MOS: variants seen among roughly 807,000 people sequenced by gnomAD.
MOS encodes the protein proto-oncogene serine/threonine-protein kinase mos.
For synonymous variants in MOS, 190 were observed against 205.2 expected (o/e 0.93, Z 0.63); for missense variants, 419 against 459.6 (o/e 0.91, Z 0.81).
In MOS at chr8:56,112,964, GAGGTGAGATCCACCAAA is replaced by G; in HGVS notation, c.1002_1018del (p.Leu335PhefsTer4). On this transcript the variant is annotated frameshift_variant, in exon 1 of 1. Coordinates refer to ENST00000311923, the MANE Select transcript of MOS (RefSeq NM_005372.1). LOFTEE classifies it low-confidence loss of function (END_TRUNC). ...CAGTCAGCCGAGTTCAGCTTTCAAA[GAGGTGAGATCCACCAAA>G]AGCAGCCGCGCGCTCGGCCTCTGCG... 1 of 1,549,570 alleles carries G rather than the reference GAGGTGAGATCCACCAAA, an allele frequency of 6.5e-7. No homozygotes were observed. Among genetic ancestry groups the G allele is most frequent in the South Asian group, 1.2e-5 (1 of 81,556 alleles).
chr8:56,113,480 C>A lies in MOS; in HGVS notation c.503G>T (p.Arg168Leu), dbSNP rs763458012. 4.3e-6 allele frequency: 7 copies of A among 1,613,890 alleles called. No homozygotes were observed. In the South Asian group the frequency reaches 5.5e-5, roughly 13 times the overall value. ...PEGDAGEPHC[R>L]TGGQLSLGKC... ...TCCCAAACTTAACTGTCCTCCAGTG[C>A]GGCAGTGAGGCTCCCCTGCGTCCCC... is the stretch of plus-strand genomic sequence containing the variant. Residue 168 changes from arginine (R) to leucine (L), a missense_variant, in exon 1 of 1, where the codon CGC becomes CTC. Coordinates refer to ENST00000311923, the MANE Select transcript of MOS (RefSeq NM_005372.1). This position sits in a 1 kb window ranked among gnomAD's most constrained non-coding sequence, Gnocchi z 5.7.
chr8:56,113,528 T>G lies in MOS; in HGVS notation c.455A>C (p.Tyr152Ser). Residue 152 changes from tyrosine (Y) to serine (S), a missense_variant, in exon 1 of 1, where the codon TAT (tyrosine) becomes TCT (serine). Physicochemically the swap from Tyr to Ser is moderately radical, Grantham distance 144. Transcript: ENST00000311923. The surrounding 1 kb of genome is among the most constrained non-coding windows in gnomAD (Gnocchi z 5.7). The part of the protein sequence containing the change: ...GGNVTLHQVI[Y>S]GAAGHPEGDA... ...CCCCTCAGGGTGGCCGGCGGCGCCA[T>G]AGATGACTTGGTGTAAAGTGACGTT... 6.2e-7 allele frequency: 1 copy of G among 1,613,908 alleles called. No homozygotes were observed. Among genetic ancestry groups the G allele is most frequent in the Non-Finnish European group, 8.5e-7 (1 of 1,179,978 alleles).
At position 56,113,895 on chromosome 8, in the gene MOS, G is replaced by T; in HGVS notation, c.88C>A (p.Leu30Ile). ...GCCCCCAGAAGCAGCTTCGCAGGTA[G>T]CTCTGAGGGACTGCTGCAGGGCCGC... ...DARPCSSPSE[L>I]PAKLLLGATL... is the part of the protein sequence containing the mutation. The change falls in exon 1 of 1, where the codon CTA becomes ATA. Residue 30 changes from leucine (L) to isoleucine (I), a missense_variant. Physicochemically the swap from Leu to Ile is conservative, Grantham distance 5 (BLOSUM62 2). Transcript: ENST00000311923. The surrounding 1 kb of genome is among the most constrained non-coding windows in gnomAD (Gnocchi z 5.7). 6.3e-7 allele frequency: 1 copy of T among 1,592,822 alleles called. No homozygotes were observed. Among genetic ancestry groups the T allele is most frequent in the South Asian group, 1.1e-5 (1 of 88,118 alleles).
Position 56,113,586 on chromosome 8 carries a change from T to C in MOS, c.397A>G (p.Ser133Gly). 1 of 1,613,476 alleles carries C rather than the reference T, an allele frequency of 6.2e-7. No homozygotes were observed. The highest frequency in any genetic ancestry group is 8.5e-7 in the Non-Finnish European group (1 of 1,179,850). Residue 133 changes from serine (S) to glycine (G), a missense_variant, in exon 1 of 1, where the codon AGC becomes GGC. Physicochemically the swap from Ser to Gly is moderately conservative, Grantham distance 56. Coordinates refer to ENST00000311923, the MANE Select transcript of MOS (RefSeq NM_005372.1). This position sits in a 1 kb window ranked among gnomAD's most constrained non-coding sequence, Gnocchi z 5.7. ...ASTRTPAGSN[S>G]LGTIIMEFGG... ...AACTCCATGATGATGGTCCCTAGGC[T>C]ATTGGACCCTGCGGGCGTGCGCGTG...
chr8:56,113,885 T>C lies in MOS; in HGVS notation c.98A>G (p.Lys33Arg), dbSNP rs1409265884. Residue 33 changes from lysine (K) to arginine (R), a missense_variant, in exon 1 of 1, where the codon AAG (lysine) becomes AGG (arginine). Physicochemically the swap from Lys to Arg is conservative, Grantham distance 26. Transcript: ENST00000311923. The surrounding 1 kb of genome is among the most constrained non-coding windows in gnomAD (Gnocchi z 5.7). ...AGGAAGAGTGGCCCCCAGAAGCAGC[T>C]TCGCAGGTAGCTCTGAGGGACTGCT... ...PCSSPSELPA[K>R]LLLGATLPRA... is the part of the protein sequence containing the mutation. 1 of 1,598,420 alleles carries C rather than the reference T, an allele frequency of 6.3e-7. No homozygotes were observed. The highest frequency in any genetic ancestry group is 8.5e-7 in the Non-Finnish European group (1 of 1,176,462).
chr8:56,113,523 C>T lies in MOS; in HGVS notation c.460G>A (p.Ala154Thr). Residue 154 changes from alanine (A) to threonine (T), a missense_variant, in exon 1 of 1, where the codon GCC becomes ACC. Physicochemically the swap from Ala to Thr is moderately conservative, Grantham distance 58 (BLOSUM62 0). Coordinates refer to ENST00000311923, the MANE Select transcript of MOS (RefSeq NM_005372.1). The surrounding 1 kb of genome is among the most constrained non-coding windows in gnomAD (Gnocchi z 5.7). ...NVTLHQVIYGAAGHPEGDAGE... is the reference protein window; with the variant it reads ...NVTLHQVIYGTAGHPEGDAGE... ...GCGTCCCCCTCAGGGTGGCCGGCGG[C>T]GCCATAGATGACTTGGTGTAAAGTG... The T allele has an allele frequency of 1.2e-6, 2 of 1,614,000 alleles. No individual in the cohort carries two copies. The highest frequency in any genetic ancestry group is 1.7e-6 in the Non-Finnish European group (2 of 1,180,010).
In MOS at chr8:56,113,350, C is replaced by T. The variant is rs763875775; in HGVS notation, c.633G>A (p.Glu211=). 1 of 1,614,118 alleles carries T rather than the reference C, an allele frequency of 6.2e-7. No individual in the cohort carries two copies. Among genetic ancestry groups the T allele is most frequent in the East Asian group, 2.2e-5 (1 of 44,880 alleles). The change falls in exon 1 of 1, where the codon GAG becomes GAA. Residue 211 remains glutamate, a synonymous_variant. Transcript: ENST00000311923. The surrounding 1 kb of genome is among the most constrained non-coding windows in gnomAD (Gnocchi z 5.7). The part of the protein sequence containing the change: ...DLKPANILIS[E]QDVCKISDFG... Reference sequence around the variant, plus strand: ...AGTCACTAATTTTACAGACATCCTGCTCACTGATCAAGATGTTCGCGGGCT... The same window carrying T: ...AGTCACTAATTTTACAGACATCCTGTTCACTGATCAAGATGTTCGCGGGCT...
Position 56,113,934 on chromosome 8 carries a change from G to T in MOS, c.49C>A (p.Pro17Thr). 1 of 1,577,644 alleles carries T rather than the reference G, an allele frequency of 6.3e-7. No homozygotes were observed. The highest frequency in any genetic ancestry group is 8.6e-7 in the Non-Finnish European group (1 of 1,169,180). ...LRPYLRSEFSPSVDARPCSSP... is the reference protein window; with the variant it reads ...LRPYLRSEFSTSVDARPCSSP... ...CTGCAGGGCCGCGCGTCCACCGATG[G>T]GGAAAACTCGCTCCGGAGGTAGGGG... The change falls in exon 1 of 1, where the codon CCA becomes ACA. Residue 17 changes from proline (P) to threonine (T), a missense_variant. Coordinates refer to ENST00000311923, the MANE Select transcript of MOS (RefSeq NM_005372.1). The surrounding 1 kb of genome is among the most constrained non-coding windows in gnomAD (Gnocchi z 5.7).
In MOS at chr8:56,113,327, T is replaced by C; in HGVS notation, c.656A>G (p.Asp219Gly). The change falls in exon 1 of 1, where the codon GAC becomes GGC. Residue 219 changes from aspartate (D) to glycine (G), a missense_variant. Asp to Gly is a moderately conservative substitution (Grantham distance 94). Transcript: ENST00000311923. The surrounding 1 kb of genome is among the most constrained non-coding windows in gnomAD (Gnocchi z 5.7). ...ISEQDVCKIS[D>G]FGCSEKLEDL... ...TTCCAACTTCTCAGAGCAACCGAAGTCACTAATTTTACAGACATCCTGCTC... is the reference window on the plus strand; with the variant it reads ...TTCCAACTTCTCAGAGCAACCGAAGCCACTAATTTTACAGACATCCTGCTC... 1.2e-6 allele frequency: 2 copies of C among 1,614,040 alleles called. No individual in the cohort carries two copies. The highest frequency in any genetic ancestry group is 2.7e-5 in the African/African-American group (2 of 75,030).
chr8:56,113,226 C>G lies in MOS; in HGVS notation c.757G>C (p.Gly253Arg), dbSNP rs1396464687. 6.2e-7 allele frequency: 1 copy of G among 1,613,942 alleles called. No homozygotes were observed. Among genetic ancestry groups the G allele is most frequent in the Admixed American group, 1.7e-5 (1 of 60,028 alleles). The part of the protein sequence containing the change: ...YTHRAPELLK[G>R]EGVTPKADIY... ...TCGGCTTTAGGCGTCACGCCCTCTC[C>G]TTTCAGGAGCTCCGGGGCGCGGTGG... The change falls in exon 1 of 1, where the codon GGA becomes CGA. Residue 253 changes from glycine (G) to arginine (R), a missense_variant. Physicochemically the swap from Gly to Arg is moderately radical, Grantham distance 125 (BLOSUM62 -2). Coordinates refer to ENST00000311923, the MANE Select transcript of MOS (RefSeq NM_005372.1). The surrounding 1 kb of genome is among the most constrained non-coding windows in gnomAD (Gnocchi z 5.7).
In MOS at chr8:56,113,701, C is replaced by T; in HGVS notation, c.282G>A (p.Lys94=). 1 of 1,613,680 alleles carries T rather than the reference C, an allele frequency of 6.2e-7. No individual in the cohort carries two copies. The highest frequency in any genetic ancestry group is 8.5e-7 in the Non-Finnish European group (1 of 1,179,846). The change falls in exon 1 of 1, where the codon AAG becomes AAA. Residue 94 remains lysine (K), a synonymous_variant. Coordinates refer to ENST00000311923, the MANE Select transcript of MOS (RefSeq NM_005372.1). This position sits in a 1 kb window ranked among gnomAD's most constrained non-coding sequence, Gnocchi z 5.7. The stretch of plus-strand genomic sequence containing the variant: ...AACTCCGCCGAGATGCTAGTCGGTT[C>T]TTGGTGCACTTGTTCACTTGCTTTA... ...VAIKQVNKCT[K]NRLASRRSFW...
Position 56,113,631 on chromosome 8 carries a change from C to G in MOS, c.352G>C (p.Val118Leu). 6.2e-7 allele frequency: 1 copy of G among 1,613,102 alleles called. No individual in the cohort carries two copies. Residue 118 changes from valine to leucine, a missense_variant, in exon 1 of 1, where the codon GTG becomes CTG. Coordinates refer to ENST00000311923, the MANE Select transcript of MOS (RefSeq NM_005372.1). The surrounding 1 kb of genome is among the most constrained non-coding windows in gnomAD (Gnocchi z 5.7). ...NVARLRHDNI[V>L]RVVAASTRTP... The stretch of plus-strand genomic sequence containing the variant: ...CGCGTGCTGGCAGCCACCACGCGCA[C>G]GATGTTATCGTGGCGCAGCCTTGCT...
At position 56,113,199 on chromosome 8, in the gene MOS, T is replaced by C. The variant is rs560574314; in HGVS notation, c.784A>G (p.Ile262Val). The change falls in exon 1 of 1, where the codon ATT becomes GTT. Residue 262 changes from isoleucine to valine, a missense_variant. Coordinates refer to ENST00000311923, the MANE Select transcript of MOS (RefSeq NM_005372.1). This position sits in a 1 kb window ranked among gnomAD's most constrained non-coding sequence, Gnocchi z 5.7. ...CAGAGAGTGATGGCAAAGGAATAAA[T>C]GTCGGCTTTAGGCGTCACGCCCTCT... Reference protein sequence around the residue: ...KGEGVTPKADIYSFAITLWQM... With the variant: ...KGEGVTPKADVYSFAITLWQM... The C allele has an allele frequency of 1.9e-6, 3 of 1,614,006 alleles. No homozygotes were observed. Among genetic ancestry groups the C allele is most frequent in the African/African-American group, 1.3e-5 (1 of 75,064 alleles).
chr8:56,113,750 G>A lies in MOS; in HGVS notation c.233C>T (p.Thr78Ile), dbSNP rs1003894136. ...TATGGCCACAGGAACACCGCGGTAA[G>A]TCGCCTTGTACACCGAGCCAAACCC... ...AGGFGSVYKA[T>I]YRGVPVAIKQ... Residue 78 changes from threonine (T) to isoleucine (I), a missense_variant, in exon 1 of 1, where the codon ACT becomes ATT. Physicochemically the swap from Thr to Ile is moderately conservative, Grantham distance 89 (BLOSUM62 -1). Transcript: ENST00000311923. The surrounding 1 kb of genome is among the most constrained non-coding windows in gnomAD (Gnocchi z 5.7). 2 of 1,613,952 alleles carry A rather than the reference G, an allele frequency of 1.2e-6. No individual in the cohort carries two copies.
Position 56,113,233 on chromosome 8 carries a change from G to C in MOS, c.750C>G (p.Leu250=), listed in dbSNP as rs754498876. The part of the protein sequence containing the change: ...GGTYTHRAPE[L]LKGEGVTPKA... ...TAGGCGTCACGCCCTCTCCTTTCAG[G>C]AGCTCCGGGGCGCGGTGGGTGTATG... The change falls in exon 1 of 1, where the codon CTC becomes CTG. Residue 250 remains leucine, a synonymous_variant. Coordinates refer to ENST00000311923, the MANE Select transcript of MOS (RefSeq NM_005372.1). The surrounding 1 kb of genome is among the most constrained non-coding windows in gnomAD (Gnocchi z 5.7). 1 of 1,613,934 alleles carries C rather than the reference G, an allele frequency of 6.2e-7. No homozygotes were observed.
Position 56,113,819 on chromosome 8 carries a change from A to G in MOS, c.164T>C (p.Ile55Thr). The G allele has an allele frequency of 1.2e-6, 2 of 1,611,866 alleles. No homozygotes were observed. The highest frequency in any genetic ancestry group is 1.7e-6 in the Non-Finnish European group (2 of 1,179,476). Residue 55 changes from isoleucine (I) to threonine (T), a missense_variant, in exon 1 of 1, where the codon ATT (isoleucine) becomes ACT (threonine). Transcript: ENST00000311923. This position sits in a 1 kb window ranked among gnomAD's most constrained non-coding sequence, Gnocchi z 5.7. ...RLPRRLAWCS[I>T]DWEQVCLLQR... ...CAGCAAGCACACCTGCTCCCAGTCAATGGAGCACCAGGCCAGCCGGCGCGG... is the reference window on the plus strand; with the variant it reads ...CAGCAAGCACACCTGCTCCCAGTCAGTGGAGCACCAGGCCAGCCGGCGCGG...
In MOS at chr8:56,113,585, C is replaced by T. The variant is rs1328247121; in HGVS notation, c.398G>A (p.Ser133Asn). 4 of 1,613,494 alleles carry T rather than the reference C, an allele frequency of 2.5e-6. No homozygotes were observed. Among genetic ancestry groups the T allele is most frequent in the Non-Finnish European group, 3.4e-6 (4 of 1,179,906 alleles). ...GAACTCCATGATGATGGTCCCTAGG[C>T]TATTGGACCCTGCGGGCGTGCGCGT... The part of the protein sequence containing the change: ...ASTRTPAGSN[S>N]LGTIIMEFGG... Residue 133 changes from serine to asparagine, a missense_variant, in exon 1 of 1, where the codon AGC (serine) becomes AAC (asparagine). Transcript: ENST00000311923. The surrounding 1 kb of genome is among the most constrained non-coding windows in gnomAD (Gnocchi z 5.7).
At position 56,112,946 on chromosome 8, in the gene MOS, C is replaced by T; in HGVS notation, c.1037G>A (p.Gly346Asp). Residue 346 changes from glycine to aspartate, a missense_variant, in exon 1 of 1, where the codon GGC becomes GAC. Physicochemically the swap from Gly to Asp is moderately conservative, Grantham distance 94. Coordinates refer to ENST00000311923, the MANE Select transcript of MOS (RefSeq NM_005372.1). ...VDLTSLKAEL[G>D] ...TTATCTTGACCAGGTTTTCAGTCAG[C>T]CGAGTTCAGCTTTCAAAGAGGTGAG... 1.3e-6 allele frequency: 2 copies of T among 1,530,422 alleles called. No homozygotes were observed. The highest frequency in any genetic ancestry group is 1.8e-6 in the Non-Finnish European group (2 of 1,141,544). The allele number at this position is 1,530,422 out of a possible 1,614,324, so 94.8% of individuals were successfully genotyped here. A position where few individuals can be genotyped will look rare whatever the true frequency, so the allele number is the denominator to read the frequency against.
chr8:56,113,419 G>A lies in MOS; in HGVS notation c.564C>T (p.Gly188=). Residue 188 remains glycine (G), a synonymous_variant, in exon 1 of 1, where the codon GGC becomes GGT. Coordinates refer to ENST00000311923, the MANE Select transcript of MOS (RefSeq NM_005372.1). The surrounding 1 kb of genome is among the most constrained non-coding windows in gnomAD (Gnocchi z 5.7). ...TGCTTTGCGAGTGGAGGAAGAGCAG[G>A]CCGTTCACAACATCTAGTGAGTACT... is the stretch of plus-strand genomic sequence containing the variant. ...CLKYSLDVVN[G]LLFLHSQSIV... 1 of 1,614,098 alleles carries A rather than the reference G, an allele frequency of 6.2e-7. No individual in the cohort carries two copies.
Sources: gnomAD v4.1 joint callset for allele counts on GRCh38, gnomAD v4.1.1 for gene constraint, Gnocchi (gnomAD v3.1) non-coding constraint, MANE v1.5 for transcripts, NCBI Gene and HGNC (gene_info 2026-07-23, HGNC 2026-07-21) for gene names.